SLC25A21: variants seen among roughly 807,000 people sequenced by gnomAD.
The protein encoded by SLC25A21 is solute carrier family 25 member 21.
SLC25A21 carries 47 observed loss-of-function variants against 43.8 expected under a neutral mutation model. The observed-to-expected ratio is 1.07, with a 90% CI of 0.85 to 1.37. The LOEUF (loss-of-function observed/expected upper bound fraction) is 1.37. SLC25A21 is among the 40% of genes most tolerant of loss of function. SLC25A21 has a pLI of 0.00. For synonymous variants in SLC25A21, 131 were observed against 121.3 expected, an observed-to-expected ratio of 1.08 and a Z score of -0.52; for missense variants, 352 against 350.2, an observed-to-expected ratio of 1.00 and a Z score of -0.04.
chr14:37,023,322 A>G (rs1961026498), intron 1 of SLC25A21, among the ~76,000 whole-genome samples: 2 of 152,008 alleles, frequency 1.3e-5, no homozygotes, highest in Admixed American at 1.3e-4. Context: ...TTTAAAATGC[A>G]AGAAAAAGCC....
Position 37,169,617 on chromosome 14 carries a change from T to C in SLC25A21, c.70+2664A>G, listed in dbSNP as rs542257614. On this transcript the variant is annotated intron_variant, in intron 1 of 9. Coordinates refer to ENST00000331299, the MANE Select transcript of SLC25A21 (RefSeq NM_030631.4). ...CACACACACACACACAGAAGTGTTG[T>C]ATTCATGGACAATACCAGTGATTAG... 1.1e-4 allele frequency among the ~76,000 whole-genome samples: 10 copies of C among 94,420 alleles called. No individual in the cohort carries two copies. In the South Asian group the frequency reaches 4.1e-3, roughly 39 times the overall value. 61.9% of individuals were successfully genotyped at this position (94,420 alleles called of 152,430 possible).
chr14:36,961,896 T>C (rs149233081), intron 1 of SLC25A21, among the ~76,000 whole-genome samples: 2 of 152,194 alleles, frequency 1.3e-5, no homozygotes, highest in Non-Finnish European at 2.9e-5. Flanking sequence ...GTCCCTCCTG[T>C]CTGTATGTCT....
chr14:36,741,948 T>C (rs962038810), intron 3 of SLC25A21, among the ~76,000 whole-genome samples: 6 of 152,230 alleles, frequency 3.9e-5, no homozygotes, highest in Non-Finnish European at 7.3e-5. Context: ...CATTCAGCTC[T>C]GTTCTGGGCA....
At chr14:36,706,166 GA>G (rs1274885768) in intron 7 of SLC25A21, among the ~76,000 whole-genome samples, 1 of 152,104 alleles carries the variant, frequency 6.6e-6, no homozygotes, top group Non-Finnish European at 1.5e-5. Context: ...TAGTTCGGGG[GA>G]AAAAATTCCT....
chr14:37,011,770 C>G (rs140959535), intron 1 of SLC25A21, among the ~76,000 whole-genome samples: 3 of 152,262 alleles, frequency 2.0e-5, no homozygotes, highest in African/African-American at 7.2e-5. Flanking sequence ...AGTCAATGAT[C>G]TTTTTTCAAT....
At chr14:37,166,898 T>C (rs1964038395) in intron 1 of SLC25A21, among the ~76,000 whole-genome samples, 1 of 152,232 alleles carries the variant, frequency 6.6e-6, no homozygotes, top group Non-Finnish European at 1.5e-5. Flanking sequence ...CTTCTAATCC[T>C]GCTATATATT....
chr14:36,748,745 T>G (rs1885593694), intron 3 of SLC25A21, among the ~76,000 whole-genome samples: 1 of 152,186 alleles, frequency 6.6e-6, no homozygotes, highest in African/African-American at 2.4e-5. Context: ...ATCCACCATA[T>G]GCTGATAACT....
intron 7 of SLC25A21, among the ~76,000 whole-genome samples, chr14:36,708,801 T>C (rs1883697627): frequency 6.7e-6 from 1 of 148,752 alleles, no homozygotes; most frequent in African/African-American, 2.5e-5. Flanking sequence ...CCCAGGCCTG[T>C]CTCAACTCTT....
At chr14:36,872,382 T>G (rs1890398729) in intron 2 of SLC25A21, among the ~76,000 whole-genome samples, 1 of 152,146 alleles carries the variant, frequency 6.6e-6, no homozygotes, top group Non-Finnish European at 1.5e-5. Flanking sequence ...CTATAAATGA[T>G]CAATACTATT....
intron 1 of SLC25A21, among the ~76,000 whole-genome samples, chr14:37,062,056 T>A (rs1566852421): frequency 6.6e-6 from 1 of 152,208 alleles, no homozygotes. Context: ...AATCCACTGA[T>A]AGGTTCTGCT....
chr14:36,933,744 G>A (rs1892350272), intron 1 of SLC25A21, among the ~76,000 whole-genome samples: 2 of 152,144 alleles, frequency 1.3e-5, no homozygotes, highest in African/African-American at 4.8e-5. Flanking sequence ...GAAGCTTCCT[G>A]ATCAGGGAAA....
intron 3 of SLC25A21, among the ~76,000 whole-genome samples, chr14:36,806,345 A>G (rs1358944461): frequency 6.6e-6 from 1 of 152,172 alleles, no homozygotes; most frequent in Non-Finnish European, 1.5e-5. Context: ...ACAATAATAT[A>G]TTCTATACTT....
At chr14:36,724,862 G>T (rs1167441381) in intron 6 of SLC25A21, among the ~76,000 whole-genome samples, 1 of 150,234 alleles carries the variant, frequency 6.7e-6, no homozygotes, top group South Asian at 2.1e-4. Context: ...AAATGACTCA[G>T]TTTTTTTTTT....
In SLC25A21 at chr14:36,680,540, T is replaced by C; in HGVS notation, c.*118A>G. ...TTTTAAAGTATTAAAATAGATTTTGTTCTTGAACAGTTTTCTCCTTCATAA... is the reference window on the plus strand; with the variant it reads ...TTTTAAAGTATTAAAATAGATTTTGCTCTTGAACAGTTTTCTCCTTCATAA... On this transcript the variant is annotated 3_prime_UTR_variant, in exon 10 of 10. Coordinates refer to ENST00000331299, the MANE Select transcript of SLC25A21 (RefSeq NM_030631.4). The C allele has an allele frequency of 7.2e-7, 1 of 1,389,482 alleles. No homozygotes were observed. The highest frequency in any genetic ancestry group is 2.0e-4 in the Middle Eastern group (1 of 5,038). 86.1% of individuals were successfully genotyped at this position (1,389,482 alleles called of 1,614,324 possible). A position where few individuals can be genotyped will look rare whatever the true frequency, so the allele number is the denominator to read the frequency against.
chr14:36,758,166 T>G (rs1364430335), intron 3 of SLC25A21, among the ~76,000 whole-genome samples: 2 of 152,182 alleles, frequency 1.3e-5, no homozygotes, highest in African/African-American at 4.8e-5. Flanking sequence ...AGAGCCTGCA[T>G]GAAGGGAGGT....
At chr14:36,873,634 G>A (rs1890438314) in intron 2 of SLC25A21, among the ~76,000 whole-genome samples, 1 of 152,102 alleles carries the variant, frequency 6.6e-6, no homozygotes, top group Non-Finnish European at 1.5e-5. Flanking sequence ...AGTGATTTGA[G>A]GCTGTTACAA....
In SLC25A21 at chr14:37,089,632, T is replaced by C. The variant is rs1183531047; in HGVS notation, c.70+82649A>G. On this transcript the variant is annotated intron_variant, in intron 1 of 9. Transcript: ENST00000331299. ...ATGACATCAGGGGAGGGGAGGAGAC[T>C]TTCTTAGAGAGTAAGGCCACGGATC... 5.3e-5 allele frequency among the ~76,000 whole-genome samples: 8 copies of C among 152,268 alleles called. No individual in the cohort carries two copies. The South Asian group carries it at 1.5e-3, about 28-fold the overall frequency.
intron 1 of SLC25A21, among the ~76,000 whole-genome samples, chr14:37,072,179 C>CAAAAAA (rs36060373): frequency 1.3e-5 from 1 of 79,022 alleles, no homozygotes; most frequent in African/African-American, 4.8e-5. Flanking sequence ...GAGACTGTCT[C>CAAAAAA]AAAAAAAAAA....
rs150928110 is a variant in SLC25A21 at position 36,687,172 on chromosome 14, C to T, written c.604-2247G>A. On this transcript the variant is annotated intron_variant, in intron 7 of 9. Transcript: ENST00000331299. Reference sequence around the variant, plus strand: ...TTCACCACATTGGCCAGGCTGCTCTCGAACTCCTGACCTCAGGTGATTTGC... The same window carrying T: ...TTCACCACATTGGCCAGGCTGCTCTTGAACTCCTGACCTCAGGTGATTTGC... Among the ~76,000 whole-genome samples the T allele has an allele frequency of 9.2e-5, 14 of 152,294 alleles. No homozygotes were observed. In the East Asian group the frequency reaches 1.7e-3, roughly 19 times the overall value.
Sources: gnomAD v4.1 joint callset for allele counts (sites outside exome capture counted in the v4.1 genomes callset) on GRCh38, gnomAD v4.1.1 for gene constraint, MANE v1.5 for transcripts, NCBI Gene and HGNC (gene_info 2026-07-23, HGNC 2026-07-21) for gene names.